Variants in NKAIN2 observed in about 807,000 individuals in gnomAD.
NKAIN2 encodes the protein sodium/potassium transporting ATPase interacting 2.
NKAIN2 carries 14 observed loss-of-function variants against 32.6 expected under a neutral mutation model. That is an observed-to-expected ratio of 0.43 (90% CI 0.28 to 0.67). The LOEUF is 0.67. Among genes scored for constraint, NKAIN2 ranks in the 30% least tolerant of loss-of-function variants. The pLI is 0.17. For missense variants in NKAIN2, 198 were observed against 258.3 expected, an observed-to-expected ratio of 0.77 and a Z score of 1.60; for synonymous variants, 80 against 87.2, an observed-to-expected ratio of 0.92 and a Z score of 0.46.
intron 1 of NKAIN2, among the ~76,000 whole-genome samples, chr6:123,815,400 A>C (rs566970311): frequency 1.3e-5 from 2 of 152,314 alleles, no homozygotes; most frequent in South Asian, 4.1e-4. Context: ...CATATTATCT[A>C]GCATTTGATG....
chr6:124,443,021 C>A (rs1344743987), intron 3 of NKAIN2, among the ~76,000 whole-genome samples: 1 of 152,056 alleles, frequency 6.6e-6, no homozygotes. Flanking sequence ...ATGGAACTTG[C>A]TATGCTCAGA....
At chr6:123,955,207 A>G (rs546852767) in intron 1 of NKAIN2, among the ~76,000 whole-genome samples, 234 of 151,758 alleles carry the variant, frequency 1.5e-3, no homozygotes, top group Non-Finnish European at 3.1e-3. Flanking sequence ...AAAAAAAAAA[A>G]AAAAAGAAAA....
At chr6:124,459,169 G>T (rs1776434402) in intron 3 of NKAIN2, among the ~76,000 whole-genome samples, 1 of 151,774 alleles carries the variant, frequency 6.6e-6, no homozygotes, top group South Asian at 2.1e-4. Flanking sequence ...GAGAGGAGGA[G>T]TCCCCAAAGA....
chr6:124,018,030 C>T (rs769142505), intron 1 of NKAIN2, among the ~76,000 whole-genome samples: 47 of 152,188 alleles, frequency 3.1e-4, no homozygotes, highest in Admixed American at 7.2e-4. Flanking sequence ...TCTGCCTGGA[C>T]ATTTAGGCAT....
intron 1 of NKAIN2, among the ~76,000 whole-genome samples, chr6:124,028,598 A>G (rs1181193617): frequency 6.6e-6 from 1 of 151,538 alleles, no homozygotes; most frequent in Non-Finnish European, 1.5e-5. Flanking sequence ...TAGTGGCAAT[A>G]TAACGAAATG....
intron 3 of NKAIN2, among the ~76,000 whole-genome samples, chr6:124,531,333 T>A (rs904528197): frequency 3.3e-5 from 5 of 152,208 alleles, no homozygotes; most frequent in African/African-American, 1.2e-4. Flanking sequence ...CAAAACTTAT[T>A]CCTTGTTGAA....
At chr6:124,525,147 A>G (rs1212659251) in intron 3 of NKAIN2, among the ~76,000 whole-genome samples, 1 of 152,208 alleles carries the variant, frequency 6.6e-6, no homozygotes, top group Non-Finnish European at 1.5e-5. Context: ...GAGATAGGAA[A>G]AAAGATTTGA....
At chr6:124,486,457 G>T (rs1216345006) in intron 3 of NKAIN2, among the ~76,000 whole-genome samples, 8 of 152,072 alleles carry the variant, frequency 5.3e-5, no homozygotes. Flanking sequence ...AGATTTCTGT[G>T]TATTATTCTG....
intron 3 of NKAIN2, among the ~76,000 whole-genome samples, chr6:124,607,847 T>C (rs980050292): frequency 6.6e-5 from 10 of 152,142 alleles, no homozygotes; most frequent in Admixed American, 1.3e-4. Flanking sequence ...ACTTTCAATA[T>C]AGTATTCCGT....
At chr6:124,472,673 G>A (rs533765514) in intron 3 of NKAIN2, among the ~76,000 whole-genome samples, 13 of 151,482 alleles carry the variant, frequency 8.6e-5, no homozygotes, top group African/African-American at 3.1e-4. Flanking sequence ...AACATTTAAC[G>A]TGTGATTATT....
intron 1 of NKAIN2, among the ~76,000 whole-genome samples, chr6:123,843,819 G>T (rs1303550839): frequency 6.6e-6 from 1 of 152,084 alleles, no homozygotes; most frequent in Non-Finnish European, 1.5e-5. Flanking sequence ...GTGAACAAAG[G>T]TTGTCTTATG....
intron 3 of NKAIN2, among the ~76,000 whole-genome samples, chr6:124,639,762 T>C (rs1268100601): frequency 1.3e-5 from 2 of 152,180 alleles, no homozygotes. Context: ...CTCACTCGTA[T>C]GTGCGAGCTG....
At chr6:123,872,883 C>T (rs1039774628) in intron 1 of NKAIN2, among the ~76,000 whole-genome samples, 2 of 152,074 alleles carry the variant, frequency 1.3e-5, no homozygotes, top group African/African-American at 4.8e-5. Flanking sequence ...GGAAATTAAT[C>T]CTTATAACAC....
intron 1 of NKAIN2, among the ~76,000 whole-genome samples, chr6:123,835,390 A>G (rs896955031): frequency 1.3e-5 from 2 of 152,226 alleles, no homozygotes; most frequent in Non-Finnish European, 2.9e-5. Context: ...TTTTTTAAAA[A>G]ATAGGAAAAG....
At chr6:124,539,715 T>C (rs546446363) in intron 3 of NKAIN2, among the ~76,000 whole-genome samples, 2 of 152,290 alleles carry the variant, frequency 1.3e-5, no homozygotes, top group South Asian at 4.1e-4. Flanking sequence ...ATATTTTTTG[T>C]TTGTTCATTT....
At chr6:123,900,379 C>T (rs12207343) in intron 1 of NKAIN2, among the ~76,000 whole-genome samples, 16 of 151,608 alleles carry the variant, frequency 1.1e-4, no homozygotes, top group African/African-American at 2.9e-4. Flanking sequence ...AGGCTGAGGT[C>T]GGACAATCGC....
At chr6:124,388,226 G>A (rs1251361978) in intron 3 of NKAIN2, among the ~76,000 whole-genome samples, 5 of 151,268 alleles carry the variant, frequency 3.3e-5, no homozygotes, top group Admixed American at 6.6e-5. Context: ...ATTGGATAAA[G>A]ATCAATTTCA....
At chr6:124,695,805 A>G (rs1410160610) in intron 4 of NKAIN2, among the ~76,000 whole-genome samples, 1 of 152,238 alleles carries the variant, frequency 6.6e-6, no homozygotes, top group Admixed American at 6.5e-5. Flanking sequence ...AAGATGTGCT[A>G]TCTTTTCTCA....
intron 2 of NKAIN2, among the ~76,000 whole-genome samples, chr6:124,322,226 G>T (rs1158097053): frequency 6.6e-6 from 1 of 152,096 alleles, no homozygotes; most frequent in Non-Finnish European, 1.5e-5. Context: ...TGAAGGTGAT[G>T]ATTTAAAAAA....
Sources: allele counts gnomAD v4.1 joint callset (sites outside exome capture counted in the v4.1 genomes callset), GRCh38; gene constraint gnomAD v4.1.1; transcripts MANE v1.5; gene names NCBI Gene and HGNC (gene_info 2026-07-23, HGNC 2026-07-21).